The following GALNT18 variants were observed in gnomAD, a reference collection of about 807,000 sequenced individuals.
The protein encoded by GALNT18 is polypeptide N-acetylgalactosaminyltransferase 18, also known as GalNAc-transferase 18.
Under a neutral mutation model 69.5 loss-of-function variants are expected in GALNT18, and 44 were observed. That is an observed-to-expected ratio of 0.63 (90% CI 0.50 to 0.81). The LOEUF (loss-of-function observed/expected upper bound fraction) is 0.81. GALNT18 is among the 40% of genes least tolerant of loss of function. The pLI is 0.00. For synonymous variants in GALNT18, 364 were observed against 318.2 expected (o/e 1.14, Z -1.53); for missense variants, 715 against 810.0 (o/e 0.88, Z 1.42).
At chr11:11,379,594 A>T (rs912372798) in intron 3 of GALNT18, among the ~76,000 whole-genome samples, 5 of 152,240 alleles carry the variant, frequency 3.3e-5, no homozygotes, top group African/African-American at 4.8e-5. Flanking sequence ...CTCCAGCATC[A>T]TGCAGCTTGT....
Position 11,583,278 on chromosome 11 carries a change from T to C in GALNT18, c.235+38081A>G, listed in dbSNP as rs1360773935. On this transcript the variant is annotated intron_variant, in intron 1 of 10. Transcript: ENST00000227756. The surrounding 1 kb of genome is among the most constrained non-coding windows in gnomAD (Gnocchi z 4.7). ...TCCTGGGGCTATTTCTCAAAGCAGC[T>C]GGTCCTTCTAGATGCTAGCCCTCTG... 6.6e-6 allele frequency among the ~76,000 whole-genome samples: 1 copy of C among 152,228 alleles called. No homozygotes were observed. Among genetic ancestry groups the C allele is most frequent in the Non-Finnish European group, 1.5e-5 (1 of 68,042 alleles).
rs558574279 is a variant in GALNT18 at position 11,337,054 on chromosome 11, T to C, written c.1278+3765A>G. ...TGAGAAGGACTAGCTAAATGGGTGT[T>C]ACACAAACCTGGCCACCCTAAACTC... is the stretch of plus-strand genomic sequence containing the variant. On this transcript the variant is annotated intron_variant, in intron 7 of 10. Transcript: ENST00000227756. This position sits in a 1 kb window ranked among gnomAD's most constrained non-coding sequence, Gnocchi z 4.9. 1.3e-5 allele frequency among the ~76,000 whole-genome samples: 2 copies of C among 152,276 alleles called. No homozygotes were observed. Among genetic ancestry groups the C allele is most frequent in the Admixed American group, 6.5e-5 (1 of 15,300 alleles).
In GALNT18 at chr11:11,415,994, T is replaced by A. The variant is rs1854849276; in HGVS notation, c.595+16627A>T. 6.6e-6 allele frequency among the ~76,000 whole-genome samples: 1 copy of A among 152,250 alleles called. No homozygotes were observed. Among genetic ancestry groups the A allele is most frequent in the Admixed American group, 6.5e-5 (1 of 15,292 alleles). ...AGAAAATAAAATCACTTCAGCCTCATGCTTGAGCAGCCCTGGTCAGGAACA... is the reference window on the plus strand; with the variant it reads ...AGAAAATAAAATCACTTCAGCCTCAAGCTTGAGCAGCCCTGGTCAGGAACA... On this transcript the variant is annotated intron_variant, in intron 3 of 10. Transcript: ENST00000227756. This position sits in a 1 kb window ranked among gnomAD's most constrained non-coding sequence, Gnocchi z 4.1.
chr11:11,620,875 C>T lies in GALNT18; in HGVS notation c.235+484G>A, dbSNP rs1860175513. Reference sequence around the variant, plus strand: ...CGCAATTTTCCTAGCCTCGCTTGTCCGGCAGCCTGCGGGTCTTAACTGCCA... The same window carrying T: ...CGCAATTTTCCTAGCCTCGCTTGTCTGGCAGCCTGCGGGTCTTAACTGCCA... On this transcript the variant is annotated intron_variant, in intron 1 of 10. Transcript: ENST00000227756. This position sits in a 1 kb window ranked among gnomAD's most constrained non-coding sequence, Gnocchi z 6.9. 6.6e-6 allele frequency among the ~76,000 whole-genome samples: 1 copy of T among 152,202 alleles called. No homozygotes were observed. Among genetic ancestry groups the T allele is most frequent in the Admixed American group, 6.5e-5 (1 of 15,282 alleles).
At chr11:11,577,532 G>C (rs61870381) in intron 1 of GALNT18, among the ~76,000 whole-genome samples, 22,498 of 152,252 alleles carry the variant, frequency 0.15, 1,976 homozygotes, top group Non-Finnish European at 0.2. Context: ...TTGTTAGAGA[G>C]AATGTCACTG....
intron 5 of GALNT18, among the ~76,000 whole-genome samples, chr11:11,374,222 T>A (rs568644524): frequency 6.6e-6 from 1 of 152,174 alleles, no homozygotes; most frequent in Non-Finnish European, 1.5e-5. Context: ...GTAGTCTCTC[T>A]GGGAAAAATC....
At chr11:11,425,286 GGGAGA>G (rs1416994660) in intron 3 of GALNT18, among the ~76,000 whole-genome samples, 1 of 152,196 alleles carries the variant, frequency 6.6e-6, no homozygotes, top group African/African-American at 2.4e-5. Context: ...TCCCTGGTCT[GGGAGA>G]GACAGAAGAT....
At chr11:11,577,061 C>T (rs966033164) in intron 1 of GALNT18, among the ~76,000 whole-genome samples, 4 of 152,164 alleles carry the variant, frequency 2.6e-5, no homozygotes, top group South Asian at 2.1e-4. Context: ...GTATCTGCAG[C>T]GCTGGCTGGC....
At chr11:11,567,884 C>A (rs1465870160) in intron 1 of GALNT18, among the ~76,000 whole-genome samples, 1 of 152,152 alleles carries the variant, frequency 6.6e-6, no homozygotes, top group African/African-American at 2.4e-5. Flanking sequence ...CACCAATCAC[C>A]CCAAAACACC....
intron 1 of GALNT18, among the ~76,000 whole-genome samples, chr11:11,518,367 A>G (rs920570061): frequency 1.3e-5 from 2 of 152,242 alleles, no homozygotes; most frequent in African/African-American, 4.8e-5. Context: ...CACTTCTGAC[A>G]AGTTCGATTA....
At position 11,461,552 on chromosome 11, in the gene GALNT18, G is replaced by A. The variant is rs965204494; in HGVS notation, c.236-12616C>T. ...TATAATAAACTCTGAAGCACATACC[G>A]TTATCCCCCCCGCTCCCGCCCGCCA... On this transcript the variant is annotated intron_variant, in intron 1 of 10. Transcript: ENST00000227756. This position sits in a 1 kb window ranked among gnomAD's most constrained non-coding sequence, Gnocchi z 4.1. Among the ~76,000 whole-genome samples, 2 of 152,068 alleles carry A rather than the reference G, an allele frequency of 1.3e-5. No homozygotes were observed. Among genetic ancestry groups the A allele is most frequent in the Non-Finnish European group, 2.9e-5 (2 of 68,022 alleles).
intron 10 of GALNT18, among the ~76,000 whole-genome samples, chr11:11,280,980 C>T (rs915964664): frequency 6.6e-6 from 1 of 152,226 alleles, no homozygotes; most frequent in Non-Finnish European, 1.5e-5. Flanking sequence ...CTGTGTAAAA[C>T]CCTGTGGCCT....
At chr11:11,420,632 G>A (rs778696609) in intron 3 of GALNT18, among the ~76,000 whole-genome samples, 6 of 152,340 alleles carry the variant, frequency 3.9e-5, no homozygotes, top group Non-Finnish European at 7.4e-5. Flanking sequence ...GGAGTGCCCT[G>A]TGTTCAGCTG....
intron 10 of GALNT18, among the ~76,000 whole-genome samples, chr11:11,285,418 T>C (rs1849174588): frequency 6.6e-6 from 1 of 152,192 alleles, no homozygotes; most frequent in African/African-American, 2.4e-5. Context: ...GTAAACACCA[T>C]ATAAATGTTT....
chr11:11,293,545 T>TTC, intron 9 of GALNT18, among the ~76,000 whole-genome samples: 1 of 142,528 alleles, frequency 7.0e-6, no homozygotes, highest in South Asian at 2.4e-4. Context: ...TTTTTTTTTT[T>TTC]TTTTTTTTTT....
At chr11:11,588,209 C>T (rs1859271966) in intron 1 of GALNT18, among the ~76,000 whole-genome samples, 1 of 152,142 alleles carries the variant, frequency 6.6e-6, no homozygotes, top group Non-Finnish European at 1.5e-5. Context: ...TTTCTTATGG[C>T]ACTAGTCACT....
intron 1 of GALNT18, among the ~76,000 whole-genome samples, chr11:11,522,688 A>C (rs1338634898): frequency 6.6e-6 from 1 of 152,146 alleles, no homozygotes; most frequent in Non-Finnish European, 1.5e-5. Flanking sequence ...GTTGAAACAC[A>C]AAAACAAAAC....
intron 1 of GALNT18, among the ~76,000 whole-genome samples, chr11:11,615,170 C>A (rs1037981440): frequency 1.4e-4 from 21 of 152,220 alleles, no homozygotes; most frequent in African/African-American, 5.1e-4. Context: ...ATATCCTCTT[C>A]TTCACAAACG....
At chr11:11,482,014 C>A (rs1856541711) in intron 1 of GALNT18, among the ~76,000 whole-genome samples, 1 of 152,230 alleles carries the variant, frequency 6.6e-6, no homozygotes, top group Non-Finnish European at 1.5e-5. Flanking sequence ...TCCCCTCTAG[C>A]CACACTGAAT....
Sources: gnomAD v4.1 joint callset for allele counts (sites outside exome capture counted in the v4.1 genomes callset) on GRCh38, gnomAD v4.1.1 for gene constraint, Gnocchi (gnomAD v3.1) non-coding constraint, MANE v1.5 for transcripts, NCBI Gene and HGNC (gene_info 2026-07-23, HGNC 2026-07-21) for gene names.